KLRD1: variants seen among roughly 807,000 people sequenced by gnomAD.
The protein encoded by KLRD1 is killer cell lectin like receptor D1.
KLRD1 carries 21 observed loss-of-function variants against 22.6 expected under a neutral mutation model. That is an observed-to-expected ratio of 0.93 (90% CI 0.66 to 1.34). The LOEUF (loss-of-function observed/expected upper bound fraction) is 1.34, where lower values mean the gene tolerates loss of function less well. Among genes scored for constraint, KLRD1 ranks in the 40% most tolerant of loss-of-function variants. The probability of loss-of-function intolerance (pLI) is 0.00; values close to 1 mark genes in which losing one functional copy is unlikely to be tolerated. For synonymous variants in KLRD1, 59 were observed against 71.1 expected, an observed-to-expected ratio of 0.83 and a Z score of 0.85; for missense variants, 183 against 208.6, an observed-to-expected ratio of 0.88 and a Z score of 0.76.
chr12:10,256,193 T>A (rs1460744651), intron 1 of KLRD1, among the ~76,000 whole-genome samples: 1 of 152,036 alleles, frequency 6.6e-6, no homozygotes, highest in Non-Finnish European at 1.5e-5. Flanking sequence ...TCAACTTATA[T>A]GTGTTTTCAG....
At chr12:10,297,336 C>T (rs1298430931) in intron 1 of KLRD1, among the ~76,000 whole-genome samples, 1 of 152,156 alleles carries the variant, frequency 6.6e-6, no homozygotes, top group Non-Finnish European at 1.5e-5. Flanking sequence ...TGATTAAAAA[C>T]AAAACCTCTT....
At chr12:10,257,143 T>TC (rs1555101689) in intron 1 of KLRD1, among the ~76,000 whole-genome samples, 640 of 29,104 alleles carry the variant, frequency 0.022, 3 homozygotes, top group Middle Eastern at 0.038. Context: ...TCTTTTCTTT[T>TC]TTTTTTTTTT....
intron 1 of KLRD1, among the ~76,000 whole-genome samples, chr12:10,248,583 T>TTCCTTCCTTCCC (rs1949315805): frequency 7.4e-6 from 1 of 135,090 alleles, no homozygotes; most frequent in Non-Finnish European, 1.6e-5. Context: ...CCTTCCTTCC[T>TTCCTTCCTTCCC]TCCCTTCTTT....
At chr12:10,282,566 A>T (rs1473454638) in intron 1 of KLRD1, among the ~76,000 whole-genome samples, 5 of 152,200 alleles carry the variant, frequency 3.3e-5, no homozygotes, top group African/African-American at 4.8e-5. Context: ...AAATAAAAAT[A>T]TAATTACTAT....
intron 1 of KLRD1, among the ~76,000 whole-genome samples, chr12:10,262,357 C>T (rs536698573): frequency 6.6e-6 from 1 of 152,120 alleles, no homozygotes; most frequent in Admixed American, 6.5e-5. Flanking sequence ...ACAAAAAGAA[C>T]ATGCTAGAAG....
intron 1 of KLRD1, among the ~76,000 whole-genome samples, chr12:10,283,672 G>A (rs1245407940): frequency 6.6e-6 from 1 of 152,052 alleles, no homozygotes; most frequent in Admixed American, 6.6e-5. Context: ...TCAACCCAGT[G>A]GCTCCATTGA....
chr12:10,322,793 T>A lies in KLRD1; in HGVS notation c.*8000T>A, dbSNP rs980572716. 2 of 152,214 alleles carry A rather than the reference T, an allele frequency of 1.3e-5. No homozygotes were observed. Among genetic ancestry groups the A allele is most frequent in the Non-Finnish European group, 2.9e-5 (2 of 68,034 alleles). 9.4% of individuals were successfully genotyped at this position (152,214 alleles called of 1,614,324 possible). ...CTACCAGATTGCAATAGAGACTACCTACCACCACCAAGACTCTCTTGCTGT... is the reference window on the plus strand; with the variant it reads ...CTACCAGATTGCAATAGAGACTACCAACCACCACCAAGACTCTCTTGCTGT... On this transcript the variant is annotated 3_prime_UTR_variant, in exon 6 of 6. Transcript: ENST00000336164.
chr12:10,247,932 G>A (rs1362863251), intron 1 of KLRD1, among the ~76,000 whole-genome samples: 4 of 152,142 alleles, frequency 2.6e-5, no homozygotes, highest in African/African-American at 7.2e-5. Context: ...ACCCAGTCTC[G>A]AGTATGTCCC....
intron 1 of KLRD1, among the ~76,000 whole-genome samples, chr12:10,248,530 TTTCCTTCC>T (rs547431896): frequency 0.079 from 7,607 of 96,546 alleles, 355 homozygotes; most frequent in Middle Eastern, 0.12. Context: ...TGTATTTTCT[TTTCCTTCC>T]TTCCTTCCTT....
At chr12:10,312,767 A>C (rs1347412336) in intron 4 of KLRD1, among the ~76,000 whole-genome samples, 2 of 150,544 alleles carry the variant, frequency 1.3e-5, no homozygotes, top group Non-Finnish European at 3.0e-5. Flanking sequence ...AGGAGGGCGG[A>C]TCACAGTCAG....
upstream of KLRD1, among the ~76,000 whole-genome samples, chr12:10,301,316 T>C (rs2537782): frequency 0.89 from 135,162 of 152,186 alleles, 61,223 homozygotes; most frequent in Non-Finnish European, 0.98. Flanking sequence ...GAGGTTGTTC[T>C]TTAGGTTCTG....
chr12:10,324,572 TTC>T lies in KLRD1; in HGVS notation c.*9781_*9782del, dbSNP rs1001555891. ...TGTTCCTGCAAAGGACATGATTTTT[TTC>T]TTTTTTATGTCTGCATAGTATTCCA... is the stretch of plus-strand genomic sequence containing the variant. On this transcript the variant is annotated 3_prime_UTR_variant, in exon 6 of 6. Coordinates refer to ENST00000336164, the MANE Select transcript of KLRD1 (RefSeq NM_002262.5). 6.6e-5 allele frequency: 10 copies of T among 151,998 alleles called. No individual in the cohort carries two copies. The highest frequency in any genetic ancestry group is 1.5e-4 in the Non-Finnish European group (10 of 67,986). The allele number at this position is 151,998 out of a possible 1,614,324, so 9.4% of individuals were successfully genotyped here.
chr12:10,280,611 G>GAGCT (rs1949631757), intron 1 of KLRD1, among the ~76,000 whole-genome samples: 1 of 152,116 alleles, frequency 6.6e-6, no homozygotes, highest in Admixed American at 6.6e-5. Context: ...AATGAGGAAG[G>GAGCT]AGCTAGAGAA....
At chr12:10,300,081 G>T (rs1949854503), upstream of KLRD1, among the ~76,000 whole-genome samples, 1 of 152,132 alleles carries the variant, frequency 6.6e-6, no homozygotes, top group Admixed American at 6.6e-5. Flanking sequence ...GCATCCATGA[G>T]AAATGGAATC....
At chr12:10,300,343 A>C, upstream of KLRD1, among the ~76,000 whole-genome samples, 1 of 152,218 alleles carries the variant, frequency 6.6e-6, no homozygotes, top group South Asian at 2.1e-4. Context: ...TTGTGCTAGA[A>C]GGCAAGAAAA....
At chr12:10,259,434 A>G (rs1384203433) in intron 1 of KLRD1, among the ~76,000 whole-genome samples, 1 of 152,214 alleles carries the variant, frequency 6.6e-6, no homozygotes, top group Non-Finnish European at 1.5e-5. Flanking sequence ...TTTCCTAGCC[A>G]TTATAAGAAA....
chr12:10,294,671 G>A (rs1413475029), intron 1 of KLRD1, among the ~76,000 whole-genome samples: 1 of 152,110 alleles, frequency 6.6e-6, no homozygotes, highest in Non-Finnish European at 1.5e-5. Context: ...AAAGTGCTGG[G>A]ATTATAGGTG....
chr12:10,303,438 A>C (rs887442909), upstream of KLRD1, among the ~76,000 whole-genome samples: 8 of 152,150 alleles, frequency 5.3e-5, no homozygotes, highest in East Asian at 1.9e-4. Flanking sequence ...AAGGTGAGGA[A>C]ATACATGTTG....
intron 3 of KLRD1, among the ~76,000 whole-genome samples, chr12:10,310,726 A>T (rs1021814736): frequency 6.6e-6 from 1 of 152,158 alleles, no homozygotes; most frequent in Non-Finnish European, 1.5e-5. Context: ...CGGAGGTTGA[A>T]GGGAGCTGAG....
Sources: gnomAD v4.1 joint callset for allele counts (sites outside exome capture counted in the v4.1 genomes callset) on GRCh38, gnomAD v4.1.1 for gene constraint, MANE v1.5 for transcripts, NCBI Gene and HGNC (gene_info 2026-07-23, HGNC 2026-07-21) for gene names.